TLK1: variants seen among roughly 807,000 people sequenced by gnomAD.
TLK1 encodes the protein tousled like kinase 1, also known as serine/threonine-protein kinase tousled-like 1.
A neutral mutation model predicts 105.3 loss-of-function variants in TLK1; 24 were observed. That is an observed-to-expected ratio of 0.23 (90% confidence interval 0.17 to 0.32). The LOEUF (loss-of-function observed/expected upper bound fraction) is 0.32. TLK1 is among the 10% of genes least tolerant of loss of function. TLK1 has a pLI of 1.00. For missense variants in TLK1, 558 were observed against 910.5 expected, an observed-to-expected ratio of 0.61 and a Z score of 4.98; for synonymous variants, 321 against 310.4, an observed-to-expected ratio of 1.03 and a Z score of -0.36.
chr2:171,148,164 A>G (rs1048591649), intron 1 of TLK1, among the ~76,000 whole-genome samples: 1 of 152,120 alleles, frequency 6.6e-6, no homozygotes, highest in African/African-American at 2.4e-5. Flanking sequence ...TGCTGCTATT[A>G]CAGGCATGAG....
chr2:171,216,462 C>G (rs1467849193), intron 1 of TLK1, among the ~76,000 whole-genome samples: 1 of 152,072 alleles, frequency 6.6e-6, no homozygotes, highest in Non-Finnish European at 1.5e-5. Context: ...GGCGACAGAG[C>G]AAGACTCCGT....
intron 2 of TLK1, among the ~76,000 whole-genome samples, chr2:171,086,650 A>C (rs1440871631): frequency 1.3e-5 from 2 of 151,404 alleles, no homozygotes; most frequent in South Asian, 4.2e-4. Flanking sequence ...AAAAAAAAAA[A>C]CAGAAAAAAA....
chr2:171,091,591 C>G (rs954189422), intron 2 of TLK1: 9 of 152,156 alleles, frequency 5.9e-5, no homozygotes, highest in Admixed American at 2.0e-4. Context: ...GGTCCTTCTC[C>G]CATACATAAT....
chr2:171,211,574 G>GAC (rs1693613681), intron 1 of TLK1, among the ~76,000 whole-genome samples: 2 of 151,566 alleles, frequency 1.3e-5, no homozygotes, highest in Non-Finnish European at 2.9e-5. Flanking sequence ...TTTGAGATTA[G>GAC]AGTCTTGCGC....
intron 2 of TLK1, among the ~76,000 whole-genome samples, chr2:171,108,962 C>G (rs574089467): frequency 6.6e-6 from 1 of 152,004 alleles, no homozygotes; most frequent in African/African-American, 2.4e-5. Context: ...AAACATAAAC[C>G]AAAAGAAAGC....
intron 13 of TLK1, among the ~76,000 whole-genome samples, 170 bp downstream of exon 13, chr2:171,014,681 T>C (rs1297768973): frequency 6.6e-6 from 1 of 151,946 alleles, no homozygotes; most frequent in Non-Finnish European, 1.5e-5. Context: ...GTGAGGACAG[T>C]AAGGTGGCCA....
chr2:171,062,653 C>T (rs1026508651), intron 3 of TLK1, among the ~76,000 whole-genome samples: 1 of 152,162 alleles, frequency 6.6e-6, no homozygotes, highest in Non-Finnish European at 1.5e-5. Flanking sequence ...CTCAAGGTAA[C>T]ACTACCAGTG....
At chr2:171,062,850 T>C (rs185365673) in intron 3 of TLK1, among the ~76,000 whole-genome samples, 2 of 152,340 alleles carry the variant, frequency 1.3e-5, no homozygotes, top group African/African-American at 4.8e-5. Context: ...ATGTTTTCAT[T>C]TCACAAACCA....
intron 1 of TLK1, among the ~76,000 whole-genome samples, chr2:171,206,480 AC>A (rs932669847): frequency 6.6e-6 from 1 of 152,014 alleles, no homozygotes; most frequent in Non-Finnish European, 1.5e-5. Context: ...TACAATCTCT[AC>A]CCCTTGTCTG....
Position 171,040,055 on chromosome 2 carries a change from T to C in TLK1, c.1169+6119A>G, listed in dbSNP as rs569479124. Among the ~76,000 whole-genome samples, 140 of 152,206 alleles carry C rather than the reference T, an allele frequency of 9.2e-4. 1 individual carries two copies. The highest frequency in any genetic ancestry group is 7.9e-3 in the South Asian group (38 of 4,824). On this transcript the variant is annotated intron_variant, in intron 11 of 20. Coordinates refer to ENST00000431350, the MANE Select transcript of TLK1 (RefSeq NM_012290.5). ...AGATGTGTGTATATATGTGTGTCTG[T>C]GTATAGAAGCATGCTCATACTGTAA...
At chr2:171,043,608 G>A (rs1686797748) in intron 11 of TLK1, among the ~76,000 whole-genome samples, 1 of 152,132 alleles carries the variant, frequency 6.6e-6, no homozygotes, top group African/African-American at 2.4e-5. Context: ...CATCACCCAA[G>A]TAAAAGACAG....
intron 3 of TLK1, among the ~76,000 whole-genome samples, chr2:171,073,628 G>T (rs957401738): frequency 2.6e-5 from 4 of 152,068 alleles, no homozygotes; most frequent in Non-Finnish European, 5.9e-5. Flanking sequence ...TATTCAAGCA[G>T]GACTCACTTC....
intron 4 of TLK1, among the ~76,000 whole-genome samples, chr2:171,060,658 G>C (rs1380346375): frequency 6.6e-6 from 1 of 152,020 alleles, no homozygotes; most frequent in African/African-American, 2.4e-5. Context: ...CAAAAAGTAG[G>C]TATGCAAGAA....
Position 171,118,071 on chromosome 2 carries a change from CA to C in TLK1, c.140-215del, listed in dbSNP as rs1199891443. Among the ~76,000 whole-genome samples, 3 of 152,192 alleles carry C rather than the reference CA, an allele frequency of 2.0e-5. No individual in the cohort carries two copies. The East Asian group carries it at 5.8e-4, about 29-fold the overall frequency. ...TTCCAACACTTTTGGCTGCAACTCA[CA>C]GAAGAAATATATTTTCCATCTAATT... On this transcript the variant is annotated intron_variant, in intron 1 of 20. Coordinates refer to ENST00000431350, the MANE Select transcript of TLK1 (RefSeq NM_012290.5).
chr2:171,122,933 G>A (rs1690713495), intron 1 of TLK1, among the ~76,000 whole-genome samples: 1 of 151,840 alleles, frequency 6.6e-6, no homozygotes, highest in South Asian at 2.1e-4. Context: ...CAGCTACTTA[G>A]GAGGCTGAGG....
chr2:171,128,166 G>A (rs1377761679), intron 1 of TLK1, among the ~76,000 whole-genome samples: 1 of 152,078 alleles, frequency 6.6e-6, no homozygotes, highest in Non-Finnish European at 1.5e-5. Context: ...TTCATATAAG[G>A]AGATATGGCT....
chr2:171,097,350 A>G (rs1689494208), intron 2 of TLK1, among the ~76,000 whole-genome samples: 1 of 152,200 alleles, frequency 6.6e-6, no homozygotes, highest in South Asian at 2.1e-4. Context: ...AAGACATAAG[A>G]TATGAAATTT....
intron 11 of TLK1, among the ~76,000 whole-genome samples, chr2:171,030,548 T>C (rs942524519): frequency 6.6e-6 from 1 of 152,092 alleles, no homozygotes; most frequent in Non-Finnish European, 1.5e-5. Context: ...TCTCAACTAA[T>C]CTAGAAAAGA....
intron 8 of TLK1, among the ~76,000 whole-genome samples, chr2:171,052,899 C>A (rs919672420): frequency 1.3e-5 from 2 of 152,154 alleles, no homozygotes; most frequent in African/African-American, 4.8e-5. Context: ...TTAAAGTTAT[C>A]TGGGAGAGCC....
Sources: gnomAD v4.1 joint callset for allele counts (sites outside exome capture counted in the v4.1 genomes callset) on GRCh38, gnomAD v4.1.1 for gene constraint, MANE v1.5 for transcripts, NCBI Gene and HGNC (gene_info 2026-07-23, HGNC 2026-07-21) for gene names.